Variants in FARP1 observed in about 807,000 individuals in gnomAD.
The protein encoded by FARP1 is FERM, ARH/RhoGEF and pleckstrin domain protein 1.
A neutral mutation model predicts 128.8 loss-of-function variants in FARP1; 52 were observed. The observed-to-expected ratio is 0.40, with a 90% CI of 0.32 to 0.51. The LOEUF (loss-of-function observed/expected upper bound fraction) is 0.51. FARP1 is among the 20% of genes least tolerant of loss of function. The pLI, the probability that FARP1 is intolerant of heterozygous loss-of-function variation, is 0.45. For synonymous variants in FARP1, 580 were observed against 551.8 expected (o/e 1.05, Z -0.72); for missense variants, 1,333 against 1,367.9 (o/e 0.97, Z 0.40).
At chr13:98,357,517 T>C (rs531121213) in intron 3 of FARP1, among the ~76,000 whole-genome samples, 2 of 152,364 alleles carry the variant, frequency 1.3e-5, no homozygotes, top group African/African-American at 4.8e-5. Flanking sequence ...TCGGGAATGC[T>C]GATCTGCTGT....
At chr13:98,292,626 T>C (rs956889886) in intron 2 of FARP1, among the ~76,000 whole-genome samples, 9 of 152,204 alleles carry the variant, frequency 5.9e-5, no homozygotes, top group African/African-American at 1.9e-4. Context: ...AGCACAGATA[T>C]AGAACATTCC....
intron 2 of FARP1, among the ~76,000 whole-genome samples, chr13:98,327,910 G>A (rs1387026119): frequency 6.6e-6 from 1 of 151,008 alleles, no homozygotes; most frequent in African/African-American, 2.5e-5. Context: ...GCTGAATGGG[G>A]TGGGTAATAG....
chr13:98,161,737 CTT>C (rs909280497), intron 1 of FARP1, among the ~76,000 whole-genome samples: 1 of 152,014 alleles, frequency 6.6e-6, no homozygotes, highest in Non-Finnish European at 1.5e-5. Context: ...CTTTTTCTCT[CTT>C]TCTTTCCTTC....
chr13:98,355,345 C>G (rs1348063402), intron 3 of FARP1, among the ~76,000 whole-genome samples: 1 of 151,716 alleles, frequency 6.6e-6, no homozygotes, highest in African/African-American at 2.4e-5. Flanking sequence ...GACCCTGTCT[C>G]AAAAAAATAA....
intron 2 of FARP1, among the ~76,000 whole-genome samples, chr13:98,296,275 T>C (rs1885682504): frequency 6.6e-6 from 1 of 152,086 alleles, no homozygotes; most frequent in Non-Finnish European, 1.5e-5. Flanking sequence ...ACCGCCATCA[T>C]TCCTTCCTGT....
At chr13:98,238,183 C>T (rs1365974355) in intron 2 of FARP1, among the ~76,000 whole-genome samples, 3 of 152,162 alleles carry the variant, frequency 2.0e-5, no homozygotes, top group Non-Finnish European at 4.4e-5. Context: ...CAGATGCCAT[C>T]AGGAAAATCA....
intron 1 of FARP1, among the ~76,000 whole-genome samples, chr13:98,190,945 A>T (rs1421214564): frequency 6.6e-6 from 1 of 152,228 alleles, no homozygotes; most frequent in Admixed American, 6.5e-5. Flanking sequence ...CCAGAATACC[A>T]ATTACAAGTG....
intron 2 of FARP1, among the ~76,000 whole-genome samples, chr13:98,228,449 A>G (rs1594295736): frequency 6.6e-6 from 1 of 152,278 alleles, no homozygotes; most frequent in South Asian, 2.1e-4. Flanking sequence ...AAAAAATGCC[A>G]CAGAGCAGCA....
intron 1 of FARP1, among the ~76,000 whole-genome samples, chr13:98,147,318 T>A (rs1566662096): frequency 6.6e-6 from 1 of 152,202 alleles, no homozygotes; most frequent in African/African-American, 2.4e-5. Context: ...TTTTAAGTTT[T>A]CTTAGTTTAA....
At chr13:98,404,246 T>C (rs758278419) in intron 13 of FARP1, 8 of 152,244 alleles carry the variant, frequency 5.3e-5, no homozygotes, top group Non-Finnish European at 1.2e-4. Flanking sequence ...GTGAAACTTT[T>C]CTTAAAGGAA....
rs143165099 is a variant in FARP1, at chr13:98,240,396, G to A, written c.171+26983G>A. ...CTTCCCAGGCAGGAAGGGAGGATGC[G>A]GCGATGCTCCCAGTTTATTGAAACC... On this transcript the variant is annotated intron_variant, in intron 2 of 26. Coordinates refer to ENST00000319562, the MANE Select transcript of FARP1 (RefSeq NM_005766.4). Among the ~76,000 whole-genome samples the A allele has an allele frequency of 3.3e-3, 508 of 152,248 alleles. 3 individuals carry two copies. The highest frequency in any genetic ancestry group is 0.012 in the African/African-American group (480 of 41,548).
chr13:98,318,461 C>T (rs552425272), intron 2 of FARP1, among the ~76,000 whole-genome samples: 1 of 152,326 alleles, frequency 6.6e-6, no homozygotes, highest in Non-Finnish European at 1.5e-5. Context: ...TGGCCACACA[C>T]AGGGTTAGGA....
intron 2 of FARP1, among the ~76,000 whole-genome samples, chr13:98,306,692 T>A (rs56144721): frequency 0.37 from 54,188 of 147,948 alleles, 10,002 homozygotes; most frequent in Middle Eastern, 0.48. Context: ...CTTTTTTTTT[T>A]ATTTCATTTT....
chr13:98,380,342 T>C (rs758760920), intron 6 of FARP1, among the ~76,000 whole-genome samples: 130 of 151,084 alleles, frequency 8.6e-4, no homozygotes, highest in Non-Finnish European at 1.4e-3. Flanking sequence ...CCCAGCTACT[T>C]GGGAGGCTGA....
Position 98,295,094 on chromosome 13 carries a change from CACACACACACAT to C in FARP1, c.172-48666_172-48655del, listed in dbSNP as rs1408421078. ...ACACACACACACACACACACACACA[CACACACACACAT>C]ATATCCCCAGGCATTATTTATTTAT... On this transcript the variant is annotated intron_variant, in intron 2 of 26. Transcript: ENST00000319562. 4.0e-3 allele frequency among the ~76,000 whole-genome samples: 160 copies of C among 40,488 alleles called. 6 individuals are homozygous for C. The highest frequency in any genetic ancestry group is 0.012 in the African/African-American group (148 of 12,460). 26.6% of individuals were successfully genotyped at this position (40,488 alleles called of 152,430 possible).
chr13:98,449,142 C>CA lies in FARP1; in HGVS notation c.*826dup, dbSNP rs1893057102. 6.6e-6 allele frequency: 1 copy of CA among 152,168 alleles called. No individual in the cohort carries two copies. Among genetic ancestry groups the CA allele is most frequent in the South Asian group, 2.1e-4 (1 of 4,828 alleles). 9.4% of individuals were successfully genotyped at this position (152,168 alleles called of 1,614,324 possible). On this transcript the variant is annotated 3_prime_UTR_variant, in exon 27 of 27. Coordinates refer to ENST00000319562, the MANE Select transcript of FARP1 (RefSeq NM_005766.4). ...GTCACAAGCATGAAAACCCGTGTGT[C>CA]ATTGATCAGCACCATTTGTGGTATG...
In FARP1 at chr13:98,449,208, A is replaced by C. The variant is rs1893060643; in HGVS notation, c.*891A>C. The C allele has an allele frequency of 6.6e-6, 1 of 152,260 alleles. No homozygotes were observed. The highest frequency in any genetic ancestry group is 1.5e-5 in the Non-Finnish European group (1 of 68,058). The allele number at this position is 152,260 out of a possible 1,614,324, so 9.4% of individuals were successfully genotyped here. Reference sequence around the variant, plus strand: ...TTAGTGAGCCTGCTGGCTGCAGAGCACTATGAAATCATGGTACGTAGTCCC... The same window carrying C: ...TTAGTGAGCCTGCTGGCTGCAGAGCCCTATGAAATCATGGTACGTAGTCCC... On this transcript the variant is annotated 3_prime_UTR_variant, in exon 27 of 27. Coordinates refer to ENST00000319562, the MANE Select transcript of FARP1 (RefSeq NM_005766.4).
chr13:98,199,521 A>G (rs972477362), intron 1 of FARP1, among the ~76,000 whole-genome samples: 3 of 152,224 alleles, frequency 2.0e-5, no homozygotes, highest in Admixed American at 6.5e-5. Flanking sequence ...GAATGATAGT[A>G]TACTTTGAAC....
chr13:98,176,866 G>A lies in FARP1; in HGVS notation c.-24+33374G>A, dbSNP rs773143765. The A allele has an allele frequency of 4.3e-6, 7 of 1,609,268 alleles. No homozygotes were observed. The highest frequency in any genetic ancestry group is 5.9e-6 in the Non-Finnish European group (7 of 1,179,956). ...CTGGCTGCACTTGAGGATGGTCGGC[G>A]TATGGTGCTCCTTCTCGGTGTCCTG... On this transcript the variant is annotated intron_variant, in intron 1 of 26. Coordinates refer to ENST00000319562, the MANE Select transcript of FARP1 (RefSeq NM_005766.4). The surrounding 1 kb of genome is among the most constrained non-coding windows in gnomAD (Gnocchi z 6.2).
Sources: gnomAD v4.1 joint callset for allele counts (sites outside exome capture counted in the v4.1 genomes callset) on GRCh38, gnomAD v4.1.1 for gene constraint, Gnocchi (gnomAD v3.1) non-coding constraint, MANE v1.5 for transcripts, NCBI Gene and HGNC (gene_info 2026-07-23, HGNC 2026-07-21) for gene names.